GFOD1: variants seen among roughly 807,000 people sequenced by gnomAD.
The protein encoded by GFOD1 is Gfo/Idh/MocA-like oxidoreductase domain containing 1, also known as glucose-fructose oxidoreductase domain-containing protein 1.
GFOD1 carries 9 observed loss-of-function variants against 25.4 expected under a neutral mutation model. The ratio of observed to expected loss-of-function variants is 0.35; its 90% confidence interval spans 0.21 to 0.62. The LOEUF is 0.62. Ranked by LOEUF, GFOD1 falls within the 20% of genes least tolerant of loss-of-function variation. The pLI is 0.72. For synonymous variants in GFOD1, 253 were observed against 245.6 expected (o/e 1.03, Z -0.28); for missense variants, 403 against 556.9 (o/e 0.72, Z 2.78).
Position 13,375,724 on chromosome 6 carries a change from C to T in GFOD1, c.254-10062G>A, listed in dbSNP as rs113611079. Among the ~76,000 whole-genome samples, 326 of 152,276 alleles carry T rather than the reference C, an allele frequency of 2.1e-3. 2 individuals carry two copies. The highest frequency in any genetic ancestry group is 7.3e-3 in the African/African-American group (304 of 41,540). Reference sequence around the variant, plus strand: ...CTATCCCACCAACCCCTTTGTGAACCGTCCCCCATGACTCAAGCCTGTTGC... The same window carrying T: ...CTATCCCACCAACCCCTTTGTGAACTGTCCCCCATGACTCAAGCCTGTTGC... On this transcript the variant is annotated intron_variant, in intron 1 of 1. Coordinates refer to ENST00000379287, the MANE Select transcript of GFOD1 (RefSeq NM_018988.4).
intron 1 of GFOD1, among the ~76,000 whole-genome samples, chr6:13,387,694 T>C (rs1313123520): frequency 6.6e-6 from 1 of 152,190 alleles, no homozygotes; most frequent in Non-Finnish European, 1.5e-5. Flanking sequence ...AGCATTCCCT[T>C]TGAAAACTGG....
rs567015827 is a variant in GFOD1 at position 13,425,714 on chromosome 6, T to C, written c.254-60052A>G. 6.6e-5 allele frequency among the ~76,000 whole-genome samples: 10 copies of C among 152,114 alleles called. No individual in the cohort carries two copies. In the South Asian group the frequency reaches 1.9e-3, roughly 28 times the overall value. On this transcript the variant is annotated intron_variant, in intron 1 of 1. Coordinates refer to ENST00000379287, the MANE Select transcript of GFOD1 (RefSeq NM_018988.4). ...CCCAGAAAGCCAACTAAAAATAGTCTCCATCCGGCTCTGACAGAAATGATG... is the reference window on the plus strand; with the variant it reads ...CCCAGAAAGCCAACTAAAAATAGTCCCCATCCGGCTCTGACAGAAATGATG...
chr6:13,402,602 A>T (rs914110652), intron 1 of GFOD1, among the ~76,000 whole-genome samples: 3 of 152,216 alleles, frequency 2.0e-5, no homozygotes, highest in African/African-American at 7.2e-5. Context: ...GTCTTTAGGG[A>T]AATGCAAATC....
In GFOD1 at chr6:13,365,331, G is replaced by C; in HGVS notation, c.585C>G (p.Val195=). Reference sequence around the variant, plus strand: ...TCACGAAGGTCTTGAGCAGCCCGTGGACCTTGACGGCCTTTTGGCCGGTGA... The same window carrying C: ...TCACGAAGGTCTTGAGCAGCCCGTGCACCTTGACGGCCTTTTGGCCGGTGA... The part of the protein sequence containing the change: ...TFLTGQKAVK[V]HGLLKTFVKQ... Residue 195 remains valine, a synonymous_variant, in exon 2 of 2, where the codon GTC becomes GTG. Transcript: ENST00000379287. This position sits in a 1 kb window ranked among gnomAD's most constrained non-coding sequence, Gnocchi z 9.2. The C allele has an allele frequency of 6.2e-7, 1 of 1,614,212 alleles. No individual in the cohort carries two copies. Among genetic ancestry groups the C allele is most frequent in the Non-Finnish European group, 8.5e-7 (1 of 1,180,024 alleles).
intron 1 of GFOD1, among the ~76,000 whole-genome samples, chr6:13,423,919 C>T (rs960952493): frequency 2.6e-5 from 4 of 152,118 alleles, no homozygotes; most frequent in African/African-American, 9.7e-5. Context: ...AGTGTGATGG[C>T]GTGATTGTGG....
intron 1 of GFOD1, among the ~76,000 whole-genome samples, chr6:13,422,727 G>A (rs150141410): frequency 1.2e-4 from 19 of 152,344 alleles, no homozygotes; most frequent in African/African-American, 4.6e-4. Context: ...CCAGATACCA[G>A]TAGGCTGGTT....
At position 13,365,294 on chromosome 6, in the gene GFOD1, G is replaced by C; in HGVS notation, c.622C>G (p.His208Asp). The C allele has an allele frequency of 6.2e-7, 1 of 1,614,200 alleles. No homozygotes were observed. Among genetic ancestry groups the C allele is most frequent in the Non-Finnish European group, 8.5e-7 (1 of 1,180,012 alleles). The change falls in exon 2 of 2, where the codon CAC becomes GAC. Residue 208 changes from histidine (H) to aspartate (D), a missense_variant. By Grantham distance (81) the His-to-Asp change is moderately conservative. Coordinates refer to ENST00000379287, the MANE Select transcript of GFOD1 (RefSeq NM_018988.4). This position sits in a 1 kb window ranked among gnomAD's most constrained non-coding sequence, Gnocchi z 9.2. ...LLKTFVKQTDHIKGIRQITSD... is the reference protein window; with the variant it reads ...LLKTFVKQTDDIKGIRQITSD... ...GTGATCTGTCGGATGCCCTTGATGT[G>C]GTCAGTCTGCTTCACGAAGGTCTTG...
At chr6:13,369,539 G>A (rs1331949740) in intron 1 of GFOD1, among the ~76,000 whole-genome samples, 1 of 152,124 alleles carries the variant, frequency 6.6e-6, no homozygotes, top group Non-Finnish European at 1.5e-5. Context: ...ATGCATGCCT[G>A]TAGTCCCAGC....
At chr6:13,475,349 G>A (rs1438057771) in intron 1 of GFOD1, among the ~76,000 whole-genome samples, 11 of 151,790 alleles carry the variant, frequency 7.2e-5, no homozygotes, top group Non-Finnish European at 1.5e-4. Flanking sequence ...TGAGGTGGGC[G>A]GATCACTTGA....
intron 1 of GFOD1, among the ~76,000 whole-genome samples, chr6:13,425,581 T>C (rs1379711981): frequency 1.3e-5 from 2 of 152,314 alleles, no homozygotes; most frequent in African/African-American, 2.4e-5. Flanking sequence ...TAAACCAGAA[T>C]TGGCAGTCCT....
At position 13,486,756 on chromosome 6, in the gene GFOD1, C is replaced by T; in HGVS notation, c.135G>A (p.Glu45=). 6.2e-7 allele frequency: 1 copy of T among 1,614,188 alleles called. No individual in the cohort carries two copies. Residue 45 remains glutamate (E), a synonymous_variant, in exon 1 of 2, where the codon GAG becomes GAA. Coordinates refer to ENST00000379287, the MANE Select transcript of GFOD1 (RefSeq NM_018988.4). The stretch of plus-strand genomic sequence containing the variant: ...GGCTAGTGTAGAAGGGGACACTCAT[C>T]TCCTTGGCCAGCTCCTCCGCTTCTT... ...TQEEAEELAK[E]MSVPFYTSRI...
chr6:13,406,000 C>T (rs1785937004), intron 1 of GFOD1, among the ~76,000 whole-genome samples: 1 of 152,128 alleles, frequency 6.6e-6, no homozygotes, highest in African/African-American at 2.4e-5. Context: ...TTGGCCTCCC[C>T]ACCCCAACTT....
intron 1 of GFOD1, among the ~76,000 whole-genome samples, chr6:13,376,918 T>G (rs1785267271): frequency 6.6e-6 from 1 of 152,160 alleles, no homozygotes; most frequent in South Asian, 2.1e-4. Context: ...GCAAGATACT[T>G]TAAACTAGGC....
intron 1 of GFOD1, among the ~76,000 whole-genome samples, chr6:13,424,722 T>G (rs1786322199): frequency 6.6e-6 from 1 of 152,168 alleles, no homozygotes; most frequent in African/African-American, 2.4e-5. Flanking sequence ...CAAGGGTTTT[T>G]TTTCTTTCAA....
intron 1 of GFOD1, among the ~76,000 whole-genome samples, chr6:13,421,553 T>TA (rs146716454): frequency 1.4e-4 from 21 of 151,390 alleles, no homozygotes; most frequent in East Asian, 5.8e-4. Context: ...CATCCATATT[T>TA]AAAAAAAAAC....
intron 1 of GFOD1, among the ~76,000 whole-genome samples, chr6:13,367,589 C>T (rs1229179417): frequency 3.3e-5 from 5 of 151,962 alleles, no homozygotes; most frequent in African/African-American, 1.2e-4. Context: ...GACCAAAATG[C>T]CTCTCTGAGC....
chr6:13,398,997 C>T lies in GFOD1; in HGVS notation c.254-33335G>A, dbSNP rs199754482. On this transcript the variant is annotated intron_variant, in intron 1 of 1. Transcript: ENST00000379287. ...CAGGAGCTAGACAAGCACTTTACTACTTTGGAAAACAGATTTTGTTGTTTT... is the reference window on the plus strand; with the variant it reads ...CAGGAGCTAGACAAGCACTTTACTATTTTGGAAAACAGATTTTGTTGTTTT... 2.6e-5 allele frequency among the ~76,000 whole-genome samples: 4 copies of T among 152,302 alleles called. No individual in the cohort carries two copies. The East Asian group carries it at 7.7e-4, about 29-fold the overall frequency.
chr6:13,361,350 T>A lies in GFOD1; in HGVS notation c.*3393A>T, dbSNP rs1316334446. On this transcript the variant is annotated 3_prime_UTR_variant, in exon 2 of 2. Coordinates refer to ENST00000379287, the MANE Select transcript of GFOD1 (RefSeq NM_018988.4). Reference sequence around the variant, plus strand: ...CCACACCCTCCCTCATAACTTGGAATCTAGGCCATTCGCACATTGATGGGA... The same window carrying A: ...CCACACCCTCCCTCATAACTTGGAAACTAGGCCATTCGCACATTGATGGGA... The A allele has an allele frequency of 1.9e-5, 3 of 159,602 alleles. No individual in the cohort carries two copies. The highest frequency in any genetic ancestry group is 7.2e-5 in the African/African-American group (3 of 41,512). The allele number at this position is 159,602 out of a possible 1,614,324, so 9.9% of individuals were successfully genotyped here.
intron 1 of GFOD1, among the ~76,000 whole-genome samples, chr6:13,397,590 C>A (rs907133901): frequency 1.3e-5 from 2 of 152,202 alleles, no homozygotes; most frequent in African/African-American, 4.8e-5. Flanking sequence ...GCACTGATAC[C>A]ACCTGGGAGG....
Sources: allele counts gnomAD v4.1 joint callset (sites outside exome capture counted in the v4.1 genomes callset), GRCh38; gene constraint gnomAD v4.1.1; non-coding constraint Gnocchi (gnomAD v3.1); transcripts MANE v1.5; gene names NCBI Gene and HGNC (gene_info 2026-07-23, HGNC 2026-07-21).